CD80: variants seen among roughly 807,000 people sequenced by gnomAD.
CD80 encodes CD80 molecule.
In CD80, 13 loss-of-function variants were observed where a neutral mutation model predicts 27.1. The observed-to-expected ratio is 0.48, with a 90% CI of 0.31 to 0.76. The LOEUF is 0.76. CD80 is among the 30% of genes least tolerant of loss of function. The pLI, the probability that CD80 is intolerant of heterozygous loss-of-function variation, is 0.04. For synonymous variants in CD80, 125 were observed against 125.5 expected (o/e 1.00, Z 0.03); for missense variants, 277 against 347.9 (o/e 0.80, Z 1.62).
chr3:119,549,912 G>A (rs1031035188), intron 2 of CD80, among the ~76,000 whole-genome samples: 12 of 152,190 alleles, frequency 7.9e-5, no homozygotes, highest in Admixed American at 2.0e-4. Context: ...AAAATGAGAC[G>A]TAGAAGGAAC....
intron 3 of CD80, among the ~76,000 whole-genome samples, chr3:119,543,887 CTTT>C (rs71619749): frequency 3.8e-4 from 38 of 99,086 alleles, no homozygotes; most frequent in East Asian, 5.1e-4. Flanking sequence ...CTCCATTGTT[CTTT>C]TTTTTTTTTT....
At chr3:119,552,737 A>G (rs2107747747) in intron 2 of CD80, among the ~76,000 whole-genome samples, 1 of 152,270 alleles carries the variant, frequency 6.6e-6, no homozygotes, top group East Asian at 1.9e-4. Flanking sequence ...TTGGCCGTAA[A>G]AGCGAATGGA....
At position 119,527,961 on chromosome 3, in the gene CD80, T is replaced by C. The variant is rs545748608; in HGVS notation, c.797-120A>G. ...CTTAGAACTGGAGCAGTTGTTCTTA[T>C]ACCAGGGGTGATTTACAATGCTCCC... On this transcript the variant is annotated intron_variant, in intron 5 of 6. Transcript: ENST00000264246. 7.9e-5 allele frequency: 64 copies of C among 809,548 alleles called. No individual in the cohort carries two copies. The East Asian group carries it at 1.1e-3, about 14-fold the overall frequency. 50.1% of individuals were successfully genotyped at this position (809,548 alleles called of 1,614,324 possible).
intron 1 of CD80, among the ~76,000 whole-genome samples, chr3:119,558,537 C>T (rs949083603): frequency 1.3e-5 from 2 of 151,952 alleles, no homozygotes; most frequent in Admixed American, 6.6e-5. Flanking sequence ...CTGAGGTGGG[C>T]GGATTACTTG....
chr3:119,545,924 A>T (rs1293451368), intron 2 of CD80, among the ~76,000 whole-genome samples: 1 of 152,124 alleles, frequency 6.6e-6, no homozygotes, highest in Non-Finnish European at 1.5e-5. Context: ...TTTCTGAGGA[A>T]CCTCAATAGT....
At chr3:119,530,269 C>G (rs1194357292) in intron 4 of CD80, among the ~76,000 whole-genome samples, 2 of 152,178 alleles carry the variant, frequency 1.3e-5, no homozygotes, top group Non-Finnish European at 2.9e-5. Context: ...TGTGTTACTA[C>G]TAACTGGTTG....
At chr3:119,555,164 C>T (rs181720305) in intron 2 of CD80, among the ~76,000 whole-genome samples, 1 of 152,138 alleles carries the variant, frequency 6.6e-6, no homozygotes, top group Non-Finnish European at 1.5e-5. Context: ...TGTAAAGTAA[C>T]CCCCTCCCCA....
In CD80 at chr3:119,549,850, T is replaced by C. The variant is rs1372391903; in HGVS notation, c.101-4983A>G. 2.6e-5 allele frequency among the ~76,000 whole-genome samples: 4 copies of C among 152,272 alleles called. No homozygotes were observed. The South Asian group carries it at 8.3e-4, about 32-fold the overall frequency. On this transcript the variant is annotated intron_variant, in intron 2 of 6. Transcript: ENST00000264246. ...GAGCATATTTCAAAGTGAAGCTATATTAGCTAAAGATCAAATGACAACCCA... is the reference window on the plus strand; with the variant it reads ...GAGCATATTTCAAAGTGAAGCTATACTAGCTAAAGATCAAATGACAACCCA...
At chr3:119,528,923 C>CAAAA (rs141948068) in intron 5 of CD80, among the ~76,000 whole-genome samples, 33 of 132,494 alleles carry the variant, frequency 2.5e-4, no homozygotes, top group African/African-American at 8.9e-4. Flanking sequence ...GACTCCATCT[C>CAAAA]AAAAAAAAAA....
chr3:119,552,398 A>T (rs963385157), intron 2 of CD80, among the ~76,000 whole-genome samples: 3 of 151,786 alleles, frequency 2.0e-5, no homozygotes, highest in African/African-American at 7.3e-5. Flanking sequence ...CTGTAGTCCC[A>T]GCTACTCGGG....
chr3:119,554,995 C>T (rs1021992165), intron 2 of CD80, among the ~76,000 whole-genome samples: 5 of 152,198 alleles, frequency 3.3e-5, no homozygotes, highest in Admixed American at 2.0e-4. Context: ...ACTACTGAAA[C>T]TCAAAGTGTA....
In CD80 at chr3:119,525,061, A is replaced by G. The variant is rs1317849080; in HGVS notation, c.*727T>C. 6.6e-6 allele frequency: 1 copy of G among 152,188 alleles called. No homozygotes were observed. Among genetic ancestry groups the G allele is most frequent in the Non-Finnish European group, 1.5e-5 (1 of 68,026 alleles). 9.4% of individuals were successfully genotyped at this position (152,188 alleles called of 1,614,324 possible). ...TGGACTATCCCTTTCCTCCTTGACTACTGCTTTGACGTACCTAAATCATTC... is the reference window on the plus strand; with the variant it reads ...TGGACTATCCCTTTCCTCCTTGACTGCTGCTTTGACGTACCTAAATCATTC... On this transcript the variant is annotated 3_prime_UTR_variant, in exon 7 of 7. Coordinates refer to ENST00000264246, the MANE Select transcript of CD80 (RefSeq NM_005191.4).
In CD80 at chr3:119,557,945, T is replaced by A; in HGVS notation, c.-200-17A>T. On this transcript the variant is annotated splice_polypyrimidine_tract_variant and intron_variant, in intron 1 of 6. Transcript: ENST00000264246. ...TTTCACAGCCTGAAAAAGGAACAAATAAAAGTCATTCAGGAAGGAAGGTGT... is the reference window on the plus strand; with the variant it reads ...TTTCACAGCCTGAAAAAGGAACAAAAAAAAGTCATTCAGGAAGGAAGGTGT... The A allele has an allele frequency of 2.7e-6, 1 of 374,304 alleles. No homozygotes were observed. Among genetic ancestry groups the A allele is most frequent in the Non-Finnish European group, 4.8e-6 (1 of 209,780 alleles). The allele number at this position is 374,304 out of a possible 1,614,324, so 23.2% of individuals were successfully genotyped here. A position where few individuals can be genotyped will look rare whatever the true frequency, so the allele number is the denominator to read the frequency against.
In CD80 at chr3:119,536,934, C is replaced by T. The variant is rs1435031546; in HGVS notation, c.700+203G>A. On this transcript the variant is annotated intron_variant, in intron 4 of 6. Coordinates refer to ENST00000264246, the MANE Select transcript of CD80 (RefSeq NM_005191.4). ...AACATGCTGTACAGGTGTGTAGCCT[C>T]AGAGCACTGGGCTGTACCATGTAGC... Among the ~76,000 whole-genome samples the T allele has an allele frequency of 2.0e-5, 3 of 152,206 alleles. 1 individual carries two copies. Among genetic ancestry groups the T allele is most frequent in the Non-Finnish European group, 4.4e-5 (3 of 68,040 alleles).
chr3:119,546,151 G>C (rs79933782), intron 2 of CD80, among the ~76,000 whole-genome samples: 1,561 of 152,176 alleles, frequency 0.01, 26 homozygotes, highest in African/African-American at 0.034. Context: ...AGGAGCATAT[G>C]AGCCTTCTCT....
At chr3:119,544,506 T>C (rs1226454027) in intron 3 of CD80, 44 bp downstream of exon 3, 1 of 1,564,966 alleles carries the variant, frequency 6.4e-7, no homozygotes, top group Non-Finnish European at 8.8e-7. Context: ...TTAAGGGCAT[T>C]AAGAATCTGC....
At position 119,548,818 on chromosome 3, in the gene CD80, C is replaced by T. The variant is rs147137667; in HGVS notation, c.101-3951G>A. ...TTGGGAGGCTGAGGTGGGCAGATCA[C>T]GAGGTCAGGAGTTTGAGACCAGCCT... On this transcript the variant is annotated intron_variant, in intron 2 of 6. Transcript: ENST00000264246. Among the ~76,000 whole-genome samples the T allele has an allele frequency of 3.9e-5, 6 of 152,124 alleles. No homozygotes were observed. The East Asian group carries it at 7.7e-4, about 20-fold the overall frequency.
chr3:119,526,590 C>T (rs1011759804), intron 6 of CD80, among the ~76,000 whole-genome samples: 9 of 152,090 alleles, frequency 5.9e-5, no homozygotes, highest in African/African-American at 1.9e-4. Context: ...TATTCTTCAT[C>T]TGTATGACCG....
Position 119,529,873 on chromosome 3 carries a change from A to G in CD80, c.765T>C (p.Asn255=), listed in dbSNP as rs1242174314. ...PSWAITLISV[N]GIFVICCLTY... ...TCAGGCAGCATATCACAAAAATTCC[A>G]TTTACTGAGATTAAGGTAATGGCCC... Residue 255 remains asparagine, a synonymous_variant, in exon 5 of 7, where the codon AAT becomes AAC. Transcript: ENST00000264246. 6.2e-7 allele frequency: 1 copy of G among 1,613,544 alleles called. No homozygotes were observed. The highest frequency in any genetic ancestry group is 1.3e-5 in the African/African-American group (1 of 74,934).
Sources: gnomAD v4.1 joint callset for allele counts (sites outside exome capture counted in the v4.1 genomes callset) on GRCh38, gnomAD v4.1.1 for gene constraint, MANE v1.5 for transcripts, NCBI Gene and HGNC (gene_info 2026-07-23, HGNC 2026-07-21) for gene names.